Variants in AFF2 observed in about 807,000 individuals in gnomAD.
AFF2 encodes ALF transcription elongation factor 2.
In AFF2, 14 loss-of-function variants were observed where a neutral mutation model predicts 76.9. The ratio of observed to expected loss-of-function variants is 0.18; its 90% CI spans 0.12 to 0.28. AFF2 has a LOEUF of 0.28. Ranked by LOEUF, AFF2 falls within the 10% of genes least tolerant of loss-of-function variation. AFF2 has a pLI of 1.00. For synonymous variants in AFF2, 398 were observed against 366.7 expected (o/e 1.09, Z -0.98); for missense variants, 868 against 1,001.1 (o/e 0.87, Z 1.79).
intron 2 of AFF2, among the ~76,000 whole-genome samples, chrX:148,661,619 A>T (rs1257990914): frequency 8.9e-6 from 1 of 112,386 alleles, no homozygotes; most frequent in Non-Finnish European, 1.9e-5. Flanking sequence ...TTCTAATAAA[A>T]TTAATAAATG....
rs1237143356 is a variant in AFF2 at position 148,615,042 on chromosome X, G to T, written c.48-36957G>T. On this transcript the variant is annotated intron_variant, in intron 1 of 20. Transcript: ENST00000370460. Reference sequence around the variant, plus strand: ...AGTGAACGTAAATTTCTGTTGGCTGGTATAATTTTTTGCCTGGCTCCAAAA... The same window carrying T: ...AGTGAACGTAAATTTCTGTTGGCTGTTATAATTTTTTGCCTGGCTCCAAAA... 2.5e-4 allele frequency among the ~76,000 whole-genome samples: 28 copies of T among 110,095 alleles called. 1 individual carries two copies. In the Admixed American group the frequency reaches 2.5e-3, roughly 10 times the overall value.
At position 148,975,943 on chromosome X, in the gene AFF2, C is replaced by CAAAAAAAAAAAAAAAA. The variant is rs59057839; in HGVS notation, c.3405-1984_3405-1969dup. On this transcript the variant is annotated intron_variant, in intron 16 of 20. Transcript: ENST00000370460. ...TGGGCGACAGAGCGAGACTCCGTCT[C>CAAAAAAAAAAAAAAAA]AAAAAAAAAAAAAAAAAAAAATATG... Among the ~76,000 whole-genome samples, 112 of 22,541 alleles carry CAAAAAAAAAAAAAAAA rather than the reference C, an allele frequency of 5.0e-3. 2 individuals carry two copies. The highest frequency in any genetic ancestry group is 0.048 in the Middle Eastern group (1 of 21). The allele number at this position is 22,541 out of a possible 115,157, so 19.6% of individuals were successfully genotyped here.
intron 3 of AFF2, among the ~76,000 whole-genome samples, chrX:148,775,103 C>T (rs1368314516): frequency 4.5e-5 from 5 of 111,580 alleles, no homozygotes; most frequent in South Asian, 3.8e-4. Flanking sequence ...CATTTAGATA[C>T]GTTTGATAAT....
At chrX:148,698,797 G>GTTTTTTTTTTTTTTTTTT (rs142604433) in intron 3 of AFF2, among the ~76,000 whole-genome samples, 8 of 71,711 alleles carry the variant, frequency 1.1e-4, no homozygotes, top group South Asian at 8.2e-4. Context: ...GAGTTCTAGT[G>GTTTTTTTTTTTTTTTTTT]TTTTTTTTTT....
chrX:148,768,547 TAC>T lies in AFF2; in HGVS notation c.1042-41312_1042-41311del, dbSNP rs201464527. On this transcript the variant is annotated intron_variant, in intron 3 of 20. Transcript: ENST00000370460. The stretch of plus-strand genomic sequence containing the variant: ...TGGGCCAAAAATGTGTGCATATGCA[TAC>T]ACACACACACACACACCCATAAACA... 6.8e-3 allele frequency among the ~76,000 whole-genome samples: 735 copies of T among 108,854 alleles called. 4 individuals carry two copies. The highest frequency in any genetic ancestry group is 0.011 in the Non-Finnish European group (587 of 52,103). The allele number at this position is 108,854 out of a possible 115,157, so 94.5% of individuals were successfully genotyped here. A position where few individuals can be genotyped will look rare whatever the true frequency, so the allele number is the denominator to read the frequency against.
At chrX:148,514,927 A>G (rs1412567941) in intron 1 of AFF2, among the ~76,000 whole-genome samples, 1 of 111,752 alleles carries the variant, frequency 8.9e-6, no homozygotes, top group Non-Finnish European at 1.9e-5. Flanking sequence ...TTACTGATCT[A>G]GGATACTTAT....
intron 3 of AFF2, among the ~76,000 whole-genome samples, chrX:148,802,678 A>G (rs1236325929): frequency 1.8e-5 from 2 of 111,680 alleles, no homozygotes; most frequent in Admixed American, 9.5e-5. Context: ...GCTTGGACAC[A>G]TAACTACTGT....
At chrX:148,594,663 T>C (rs1260672725) in intron 1 of AFF2, among the ~76,000 whole-genome samples, 1 of 112,021 alleles carries the variant, frequency 8.9e-6, no homozygotes, top group Non-Finnish European at 1.9e-5. Context: ...TTAGAATCAA[T>C]ACAGTTCACA....
At chrX:148,613,688 A>G (rs782094796) in intron 1 of AFF2, among the ~76,000 whole-genome samples, 1 of 111,352 alleles carries the variant, frequency 9.0e-6, no homozygotes, top group South Asian at 3.8e-4. Flanking sequence ...GCCCTGTGCT[A>G]TAGTCTCCTG....
chrX:148,804,860 G>A (rs918548227), intron 3 of AFF2, among the ~76,000 whole-genome samples: 3 of 112,029 alleles, frequency 2.7e-5, no homozygotes, highest in Non-Finnish European at 5.6e-5. Context: ...GGAAGCAAGG[G>A]ACAGACAGAT....
At chrX:148,911,660 A>G (rs1368920642) in intron 9 of AFF2, among the ~76,000 whole-genome samples, 1 of 112,282 alleles carries the variant, frequency 8.9e-6, no homozygotes, top group East Asian at 2.8e-4. Context: ...GGCAGGGCAA[A>G]TGTTTCATGA....
At chrX:148,610,797 A>T (rs782417257) in intron 1 of AFF2, among the ~76,000 whole-genome samples, 8 of 111,650 alleles carry the variant, frequency 7.2e-5, no homozygotes, top group Admixed American at 6.7e-4. Flanking sequence ...AACTGATCTT[A>T]TCAGCCTTTC....
chrX:148,963,075 A>G, intron 13 of AFF2, 138 bp downstream of exon 13: 1 of 456,622 alleles, frequency 2.2e-6, no homozygotes. Context: ...GTGTATACAA[A>G]TACACAAACT....
At chrX:148,762,422 C>T (rs782737049) in intron 3 of AFF2, among the ~76,000 whole-genome samples, 11 of 74,138 alleles carry the variant, frequency 1.5e-4, no homozygotes, top group African/African-American at 9.8e-4. Context: ...TATATATATA[C>T]ACATGCACAC....
chrX:148,894,298 T>C (rs782187801), intron 8 of AFF2, among the ~76,000 whole-genome samples: 5 of 111,683 alleles, frequency 4.5e-5, no homozygotes. Flanking sequence ...CCCAGATATC[T>C]GCCATCTGCT....
At chrX:148,650,916 G>A (rs2054196992) in intron 1 of AFF2, among the ~76,000 whole-genome samples, 1 of 111,946 alleles carries the variant, frequency 8.9e-6, no homozygotes, top group African/African-American at 3.2e-5. Context: ...GTCTTAACAT[G>A]GGACTATTAA....
intron 1 of AFF2, among the ~76,000 whole-genome samples, chrX:148,505,955 CTG>C (rs3838386): frequency 0.28 from 28,756 of 101,475 alleles, 3,223 homozygotes; most frequent in African/African-American, 0.36. Flanking sequence ...GTGTGTGTGT[CTG>C]TGTGTGTGTG....
intron 1 of AFF2, among the ~76,000 whole-genome samples, chrX:148,616,932 C>T (rs1385331093): frequency 9.0e-6 from 1 of 111,504 alleles, no homozygotes; most frequent in Non-Finnish European, 1.9e-5. Context: ...CATAGTATTC[C>T]ATGGTGTATA....
intron 7 of AFF2, among the ~76,000 whole-genome samples, chrX:148,864,304 G>A (rs1557276672): frequency 8.9e-6 from 1 of 112,206 alleles, no homozygotes; most frequent in African/African-American, 3.2e-5. Context: ...AAGGTGGAAA[G>A]GCTTCTCTGC....
Sources: allele counts gnomAD v4.1 joint callset (sites outside exome capture counted in the v4.1 genomes callset), GRCh38; gene constraint gnomAD v4.1.1; transcripts MANE v1.5; gene names NCBI Gene and HGNC (gene_info 2026-07-23, HGNC 2026-07-21).